GRIA1: variants seen among roughly 807,000 people sequenced by gnomAD.
GRIA1 encodes glutamate receptor 1.
A neutral mutation model predicts 99.2 loss-of-function variants in GRIA1; 31 were observed. That is an observed-to-expected ratio of 0.31 (90% CI 0.23 to 0.42). The LOEUF (loss-of-function observed/expected upper bound fraction) is 0.42. GRIA1 is among the 10% of genes least tolerant of loss of function. The pLI is 1.00. For synonymous variants in GRIA1, 438 were observed against 432.4 expected, an observed-to-expected ratio of 1.01 and a Z score of -0.16; for missense variants, 782 against 1,157.5, an observed-to-expected ratio of 0.68 and a Z score of 4.71.
chr5:153,664,881 G>A (rs1404099690), intron 5 of GRIA1, among the ~76,000 whole-genome samples: 3 of 152,146 alleles, frequency 2.0e-5, no homozygotes, highest in African/African-American at 7.2e-5. Context: ...GGTGTAAACC[G>A]GCTTTTCATC....
intron 11 of GRIA1, among the ~76,000 whole-genome samples, chr5:153,743,666 A>ATTC (rs1761964158): frequency 6.6e-6 from 1 of 151,872 alleles, no homozygotes; most frequent in Admixed American, 6.6e-5. Flanking sequence ...GATGGAGAAA[A>ATTC]TTCTTCTTTT....
intron 2 of GRIA1, among the ~76,000 whole-genome samples, chr5:153,622,206 G>T (rs1180028581): frequency 6.6e-6 from 1 of 152,160 alleles, no homozygotes; most frequent in Non-Finnish European, 1.5e-5. Context: ...AAACCCTTAA[G>T]AGGATTCTGA....
At chr5:153,775,737 G>A (rs542675596) in intron 13 of GRIA1, among the ~76,000 whole-genome samples, 156 of 145,758 alleles carry the variant, frequency 1.1e-3, no homozygotes, top group African/African-American at 3.7e-3. Flanking sequence ...AATGCCATAA[G>A]AGAGCCAGAA....
At chr5:153,802,912 T>C (rs1227164979) in intron 15 of GRIA1, among the ~76,000 whole-genome samples, 2 of 152,174 alleles carry the variant, frequency 1.3e-5, no homozygotes, top group East Asian at 1.9e-4. Flanking sequence ...TTGGGTCTTT[T>C]CTTAGGCTCC....
chr5:153,664,369 G>A (rs1205643779), intron 5 of GRIA1, among the ~76,000 whole-genome samples: 1 of 152,268 alleles, frequency 6.6e-6, no homozygotes. Flanking sequence ...AGGAGGTGGT[G>A]GAGCTAAGAT....
intron 11 of GRIA1, among the ~76,000 whole-genome samples, chr5:153,722,373 T>G (rs1481707628): frequency 6.6e-6 from 1 of 152,212 alleles, no homozygotes; most frequent in East Asian, 1.9e-4. Flanking sequence ...TTTTTGTGTC[T>G]TGCTTAAGAA....
In GRIA1 at chr5:153,738,341, G is replaced by T. The variant is rs146790497; in HGVS notation, c.1824-26093G>T. Among the ~76,000 whole-genome samples, 447 of 152,294 alleles carry T rather than the reference G, an allele frequency of 2.9e-3. 3 individuals are homozygous for T. The highest frequency in any genetic ancestry group is 0.01 in the African/African-American group (417 of 41,560). On this transcript the variant is annotated intron_variant, in intron 11 of 15. Transcript: ENST00000285900. ...AACCTGGGAGACAAGAGTAGGGAAA[G>T]GGTATCCTCGGGGTTAAAAGGTGAA...
At chr5:153,744,450 GT>G (rs1335378986) in intron 11 of GRIA1, among the ~76,000 whole-genome samples, 1 of 152,164 alleles carries the variant, frequency 6.6e-6, no homozygotes. Flanking sequence ...CTCCTCAAGT[GT>G]TTGAAATCAG....
At chr5:153,565,094 A>G (rs958027484) in intron 2 of GRIA1, among the ~76,000 whole-genome samples, 5 of 152,208 alleles carry the variant, frequency 3.3e-5, no homozygotes, top group African/African-American at 1.2e-4. Flanking sequence ...AGTCACCCAT[A>G]TATGTAAACT....
intron 4 of GRIA1, among the ~76,000 whole-genome samples, chr5:153,653,227 A>G (rs1232291770): frequency 6.6e-6 from 1 of 152,246 alleles, no homozygotes; most frequent in Non-Finnish European, 1.5e-5. Context: ...TCTTAAATGT[A>G]AGATAAATCT....
intron 11 of GRIA1, among the ~76,000 whole-genome samples, chr5:153,761,557 T>C (rs1763183054): frequency 6.6e-6 from 1 of 152,156 alleles, no homozygotes; most frequent in South Asian, 2.1e-4. Context: ...AACTCTTATA[T>C]GCCGCTGGTG....
intron 2 of GRIA1, among the ~76,000 whole-genome samples, chr5:153,562,597 C>T (rs1024286661): frequency 7.9e-5 from 12 of 152,182 alleles, no homozygotes; most frequent in Middle Eastern, 3.4e-3. Flanking sequence ...TGTGACTAGA[C>T]GAGAGAAATA....
At chr5:153,723,309 G>A (rs1233269714) in intron 11 of GRIA1, among the ~76,000 whole-genome samples, 1 of 152,230 alleles carries the variant, frequency 6.6e-6, no homozygotes, top group Non-Finnish European at 1.5e-5. Context: ...CTCCCAGCGT[G>A]AGTGACAGAG....
At chr5:153,660,477 A>G (rs1023539729) in intron 5 of GRIA1, among the ~76,000 whole-genome samples, 2 of 152,122 alleles carry the variant, frequency 1.3e-5, no homozygotes, top group Non-Finnish European at 2.9e-5. Flanking sequence ...TGGAATCCCA[A>G]AATTTGTGTT....
At chr5:153,787,247 CT>C (rs1413790304) in intron 13 of GRIA1, among the ~76,000 whole-genome samples, 2 of 152,198 alleles carry the variant, frequency 1.3e-5, no homozygotes, top group Middle Eastern at 3.2e-3. Context: ...AGTACCAAGT[CT>C]TTCCTCCCCA....
intron 2 of GRIA1, among the ~76,000 whole-genome samples, chr5:153,606,675 C>T (rs1765465958): frequency 6.6e-6 from 1 of 151,714 alleles, no homozygotes; most frequent in South Asian, 2.1e-4. Context: ...AATATTATGT[C>T]ATAATTGTTT....
At chr5:153,602,989 A>T (rs992048863) in intron 2 of GRIA1, among the ~76,000 whole-genome samples, 3 of 152,134 alleles carry the variant, frequency 2.0e-5, no homozygotes, top group Non-Finnish European at 2.9e-5. Context: ...TCCCAGGGAA[A>T]CTAGGAAGAT....
intron 7 of GRIA1, among the ~76,000 whole-genome samples, chr5:153,682,996 C>T (rs562359952): frequency 6.6e-6 from 1 of 152,334 alleles, no homozygotes; most frequent in South Asian, 2.1e-4. Flanking sequence ...CTCCATCTTT[C>T]ATGGAGGGAG....
rs3037009 is a variant in GRIA1 at position 153,630,256 on chromosome 5, TATC to T, written c.221-16648_221-16646del. 2.7e-3 allele frequency among the ~76,000 whole-genome samples: 410 copies of T among 151,190 alleles called. 3 individuals are homozygous for T. Among genetic ancestry groups the T allele is most frequent in the Non-Finnish European group, 4.7e-3 (320 of 67,732 alleles). ...TAATGTTAGAAATAATAATGATAAT[TATC>T]ATCATCATCATCATCATCATCATTT... is the stretch of plus-strand genomic sequence containing the variant. On this transcript the variant is annotated intron_variant, in intron 2 of 15. Coordinates refer to ENST00000285900, the MANE Select transcript of GRIA1 (RefSeq NM_000827.4).
Sources: allele counts gnomAD v4.1 joint callset (sites outside exome capture counted in the v4.1 genomes callset), GRCh38; gene constraint gnomAD v4.1.1; transcripts MANE v1.5; gene names NCBI Gene and HGNC (gene_info 2026-07-23, HGNC 2026-07-21).